TMC1: variants seen among roughly 807,000 people sequenced by gnomAD.
The protein encoded by TMC1 is transmembrane channel-like protein 1.
A neutral mutation model predicts 105.8 loss-of-function variants in TMC1; 84 were observed. That is an observed-to-expected ratio of 0.79 (90% confidence interval 0.67 to 0.95). The LOEUF is 0.95. TMC1 is among the 40% of genes least tolerant of loss of function. The pLI, the probability that TMC1 is intolerant of heterozygous loss-of-function variation, is 0.00. For missense variants in TMC1, 817 were observed against 914.1 expected (o/e 0.89, Z 1.37); for synonymous variants, 315 against 311.5 (o/e 1.01, Z -0.12).
chr9:72,630,637 A>G (rs1233316464), intron 4 of TMC1, among the ~76,000 whole-genome samples: 1 of 152,222 alleles, frequency 6.6e-6, no homozygotes, highest in East Asian at 1.9e-4. Context: ...TAGCTGAAAA[A>G]AAGATACTGA....
chr9:72,720,242 A>G (rs1826998962), intron 8 of TMC1, among the ~76,000 whole-genome samples: 1 of 152,236 alleles, frequency 6.6e-6, no homozygotes, highest in Non-Finnish European at 1.5e-5. Context: ...TTACCTTGGT[A>G]TGATGGAGGT....
At chr9:72,576,921 G>T (rs933936908) in intron 1 of TMC1, among the ~76,000 whole-genome samples, 9 of 151,272 alleles carry the variant, frequency 5.9e-5, no homozygotes, top group African/African-American at 2.2e-4. Flanking sequence ...GAGCCACCGC[G>T]CCCGGTGCCC....
chr9:72,754,907 A>G (rs1279097005), intron 12 of TMC1, 23 bp downstream of exon 12: 1 of 1,546,124 alleles, frequency 6.5e-7, no homozygotes, highest in Admixed American at 1.7e-5. Context: ...ACACAAGTGT[A>G]TTGGTGGGAG....
chr9:72,558,212 G>C (rs2132077007), intron 1 of TMC1, among the ~76,000 whole-genome samples: 1 of 151,766 alleles, frequency 6.6e-6, no homozygotes, highest in Middle Eastern at 3.4e-3. Flanking sequence ...GAAGACATGG[G>C]AAAATCTATT....
intron 17 of TMC1, among the ~76,000 whole-genome samples, chr9:72,797,358 A>T (rs1828388059): frequency 6.6e-6 from 1 of 152,148 alleles, no homozygotes; most frequent in Non-Finnish European, 1.5e-5. Context: ...ACAGAATTAG[A>T]AAAAAACTAT....
At chr9:72,816,805 A>G (rs896312881) in intron 19 of TMC1, among the ~76,000 whole-genome samples, 2 of 152,154 alleles carry the variant, frequency 1.3e-5, no homozygotes, top group African/African-American at 4.8e-5. Context: ...ATCAAATTAG[A>G]GCATTCTCAC....
chr9:72,726,431 C>A (rs1465316997), intron 8 of TMC1, among the ~76,000 whole-genome samples: 2 of 152,106 alleles, frequency 1.3e-5, no homozygotes, highest in African/African-American at 2.4e-5. Context: ...GGGATCAGGA[C>A]AAGTTAGAAG....
At chr9:72,795,315 A>G (rs930706504) in intron 17 of TMC1, among the ~76,000 whole-genome samples, 6 of 152,202 alleles carry the variant, frequency 3.9e-5, no homozygotes, top group African/African-American at 1.2e-4. Flanking sequence ...GCAAGATTCT[A>G]CACAGGAAGA....
chr9:72,785,972 C>T (rs1047641665), intron 13 of TMC1, among the ~76,000 whole-genome samples: 8 of 152,178 alleles, frequency 5.3e-5, no homozygotes, highest in African/African-American at 1.9e-4. Context: ...TCTCAATCCC[C>T]TTCCTCTTCT....
At chr9:72,777,603 AG>A (rs1334179935) in intron 13 of TMC1, among the ~76,000 whole-genome samples, 4 of 152,206 alleles carry the variant, frequency 2.6e-5, no homozygotes, top group Non-Finnish European at 5.9e-5. Flanking sequence ...AAAAGCAACG[AG>A]GTATGAAAGA....
rs915615872 is a variant in TMC1, at chr9:72,728,217, A to G, written c.363-11902A>G. On this transcript the variant is annotated intron_variant, in intron 8 of 23. Transcript: ENST00000297784. ...CAAAAGAACAGTACATTTTTAAAGAAGTGACAAGACAAAGGAAAAGGACTT... is the reference window on the plus strand; with the variant it reads ...CAAAAGAACAGTACATTTTTAAAGAGGTGACAAGACAAAGGAAAAGGACTT... 2.6e-5 allele frequency among the ~76,000 whole-genome samples: 4 copies of G among 152,180 alleles called. No individual in the cohort carries two copies. The South Asian group carries it at 6.2e-4, about 24-fold the overall frequency.
chr9:72,734,833 A>C (rs1275682237), intron 8 of TMC1, among the ~76,000 whole-genome samples: 1 of 152,186 alleles, frequency 6.6e-6, no homozygotes, highest in Non-Finnish European at 1.5e-5. Context: ...ATCAAATTGA[A>C]AACAAGAGGA....
At chr9:72,568,337 T>C (rs753190323) in intron 1 of TMC1, among the ~76,000 whole-genome samples, 3 of 152,208 alleles carry the variant, frequency 2.0e-5, no homozygotes, top group Non-Finnish European at 2.9e-5. Flanking sequence ...CTTACACTTT[T>C]GGCTCTGTCT....
In TMC1 at chr9:72,550,650, T is replaced by C. The variant is rs1012967560; in HGVS notation, c.-427-27252T>C. On this transcript the variant is annotated intron_variant, in intron 1 of 23. Transcript: ENST00000297784. ...TCCAGCCTGGGCGACAGAGGGAGACTCCATCTCAAAAAAAAAAAAAAAAAA... is the reference window on the plus strand; with the variant it reads ...TCCAGCCTGGGCGACAGAGGGAGACCCCATCTCAAAAAAAAAAAAAAAAAA... Among the ~76,000 whole-genome samples, 4 of 89,850 alleles carry C rather than the reference T, an allele frequency of 4.5e-5. No individual in the cohort carries two copies. The Admixed American group carries it at 5.0e-4, about 11-fold the overall frequency. 58.9% of individuals were successfully genotyped at this position (89,850 alleles called of 152,430 possible).
At chr9:72,753,286 C>CTGTTTTTT (rs1827612774) in intron 11 of TMC1, among the ~76,000 whole-genome samples, 1 of 81,828 alleles carries the variant, frequency 1.2e-5, no homozygotes, top group African/African-American at 5.3e-5. Context: ...TTAACCCCAG[C>CTGTTTTTT]TTTTTTTTTT....
chr9:72,633,307 T>C (rs1449626674), intron 4 of TMC1, among the ~76,000 whole-genome samples: 3 of 152,240 alleles, frequency 2.0e-5, no homozygotes, highest in Non-Finnish European at 2.9e-5. Flanking sequence ...GTAGACTTTG[T>C]TGCCATGTTG....
intron 4 of TMC1, among the ~76,000 whole-genome samples, chr9:72,631,399 G>A (rs1319021956): frequency 6.6e-6 from 1 of 152,216 alleles, no homozygotes; most frequent in East Asian, 1.9e-4. Context: ...AAAATTCTCA[G>A]TGTTAACTAG....
chr9:72,648,726 T>A, intron 5 of TMC1, 62 bp downstream of exon 5: 1 of 1,456,440 alleles, frequency 6.9e-7, no homozygotes, highest in East Asian at 2.3e-5. Context: ...ATAAAGGTAT[T>A]TGAAAACTTT....
intron 13 of TMC1, among the ~76,000 whole-genome samples, chr9:72,784,970 G>C (rs1828146639): frequency 6.6e-6 from 1 of 152,040 alleles, no homozygotes; most frequent in South Asian, 2.1e-4. Flanking sequence ...GGTGAGGATT[G>C]AAAAACTACC....
Sources: gnomAD v4.1 joint callset for allele counts (sites outside exome capture counted in the v4.1 genomes callset) on GRCh38, gnomAD v4.1.1 for gene constraint, MANE v1.5 for transcripts, NCBI Gene and HGNC (gene_info 2026-07-23, HGNC 2026-07-21) for gene names.